The following LRIG1 variants were observed in gnomAD, a reference collection of about 807,000 sequenced individuals.
The protein encoded by LRIG1 is leucine rich repeats and immunoglobulin like domains 1, also known as leucine-rich repeats and immunoglobulin-like domains protein 1.
Under a neutral mutation model 99.2 loss-of-function variants are expected in LRIG1, and 48 were observed. The ratio of observed to expected loss-of-function variants is 0.48; its 90% CI spans 0.38 to 0.62. The LOEUF (loss-of-function observed/expected upper bound fraction) is 0.62, where lower values mean the gene tolerates loss of function less well. LRIG1 is among the 20% of genes least tolerant of loss of function. The pLI is 0.00. For missense variants in LRIG1, 1,646 were observed against 1,434.4 expected (o/e 1.15, Z -2.38); for synonymous variants, 772 against 596.1 (o/e 1.29, Z -4.30).
At chr3:66,397,007 G>A (rs1313104039) in intron 11 of LRIG1, among the ~76,000 whole-genome samples, 1 of 152,212 alleles carries the variant, frequency 6.6e-6, no homozygotes, top group African/African-American at 2.4e-5. Flanking sequence ...AGCTGCTGAG[G>A]CTGGAAGAGG....
intron 11 of LRIG1, 86 bp from the exon 12 acceptor site, chr3:66,394,289 A>C (rs1701755825): frequency 1.1e-5 from 13 of 1,180,972 alleles, no homozygotes; most frequent in Admixed American, 3.0e-5. Context: ...AGTCGCCTCC[A>C]ATCAGCTTCT....
At chr3:66,390,119 G>C (rs193226177) in intron 12 of LRIG1, among the ~76,000 whole-genome samples, 24 of 152,178 alleles carry the variant, frequency 1.6e-4, no homozygotes, top group African/African-American at 5.8e-4. Flanking sequence ...CTTCTAGCCA[G>C]TGCAACAGGC....
At chr3:66,396,830 G>C (rs1360641123) in intron 11 of LRIG1, among the ~76,000 whole-genome samples, 1 of 152,194 alleles carries the variant, frequency 6.6e-6, no homozygotes, top group African/African-American at 2.4e-5. Flanking sequence ...GTGCCCCACC[G>C]CTTGTCTTCT....
intron 1 of LRIG1, among the ~76,000 whole-genome samples, chr3:66,489,755 A>C (rs995066179): frequency 6.6e-6 from 1 of 152,194 alleles, no homozygotes; most frequent in East Asian, 1.9e-4. Flanking sequence ...TTATGCTGCC[A>C]ATCAGTGGCA....
At chr3:66,430,535 G>C (rs1703135865) in intron 3 of LRIG1, among the ~76,000 whole-genome samples, 1 of 152,194 alleles carries the variant, frequency 6.6e-6, no homozygotes, top group South Asian at 2.1e-4. Flanking sequence ...CCTCCCCTGG[G>C]AGTTCCACGT....
At chr3:66,387,728 C>G (rs1339503844) in intron 12 of LRIG1, 1 of 151,984 alleles carries the variant, frequency 6.6e-6, no homozygotes, top group East Asian at 1.9e-4. Context: ...GACTTAGATT[C>G]ACTAAATAAA....
chr3:66,456,826 G>A (rs896922168), intron 2 of LRIG1, among the ~76,000 whole-genome samples: 5 of 152,150 alleles, frequency 3.3e-5, no homozygotes, highest in Non-Finnish European at 5.9e-5. Flanking sequence ...ACCCACAGCA[G>A]GCACTCGCGG....
chr3:66,391,232 C>T (rs1701603922), intron 12 of LRIG1, among the ~76,000 whole-genome samples: 2 of 152,150 alleles, frequency 1.3e-5, no homozygotes, highest in Admixed American at 6.5e-5. Context: ...AATCATGAAG[C>T]CACTCTGGAA....
chr3:66,498,427 C>T (rs770130749), intron 1 of LRIG1, among the ~76,000 whole-genome samples: 13 of 151,982 alleles, frequency 8.6e-5, no homozygotes, highest in South Asian at 4.2e-4. Context: ...AAGAGGACAC[C>T]CTGCCCTCTC....
chr3:66,384,402 G>GGACCACT, intron 13 of LRIG1, 130 bp from the exon 14 acceptor site: 1 of 974,896 alleles, frequency 1.0e-6, no homozygotes, highest in African/African-American at 1.6e-5. Flanking sequence ...TGTCTGCCCA[G>GGACCACT]GACCACTCCT....
intron 8 of LRIG1, among the ~76,000 whole-genome samples, chr3:66,406,626 G>A (rs1450098607): frequency 6.6e-6 from 1 of 152,182 alleles, no homozygotes; most frequent in African/African-American, 2.4e-5. Context: ...AAACCTGCAT[G>A]CCCCTCTCTG....
At chr3:66,426,054 T>C (rs1172529987) in intron 3 of LRIG1, among the ~76,000 whole-genome samples, 4 of 152,220 alleles carry the variant, frequency 2.6e-5, no homozygotes, top group South Asian at 2.1e-4. Flanking sequence ...AAAGATCTCA[T>C]GTCACAGATA....
In LRIG1 at chr3:66,405,208, G is replaced by C; in HGVS notation, c.1150C>G (p.Leu384Val). The C allele has an allele frequency of 6.2e-7, 1 of 1,614,116 alleles. No homozygotes were observed. Among genetic ancestry groups the C allele is most frequent in the Non-Finnish European group, 8.5e-7 (1 of 1,179,964 alleles). Residue 384 changes from leucine (L) to valine (V), a missense_variant, in exon 9 of 19, where the codon CTC (leucine) becomes GTC (valine). By Grantham distance (32) the Leu-to-Val change is conservative. Coordinates refer to ENST00000273261, the MANE Select transcript of LRIG1 (RefSeq NM_015541.3). The stretch of plus-strand genomic sequence containing the variant: ...GCGGCGGATACTCACAGCTTGCTGA[G>C]GCTGTCGAGCCCTGAGAAGGCGCCG... The part of the protein sequence containing the change: ...TSGAFSGLDS[L>V]SKLTLFGNKI...
At chr3:66,465,659 C>T (rs1207117711) in intron 1 of LRIG1, among the ~76,000 whole-genome samples, 1 of 152,050 alleles carries the variant, frequency 6.6e-6, no homozygotes. Flanking sequence ...AGCCACCGTG[C>T]CCGGCCTGAG....
At position 66,451,577 on chromosome 3, in the gene LRIG1, T is replaced by C. The variant is rs1169403221; in HGVS notation, c.347A>G (p.His116Arg). 3 of 1,613,994 alleles carry C rather than the reference T, an allele frequency of 1.9e-6. No homozygotes were observed. Among genetic ancestry groups the C allele is most frequent in the South Asian group, 1.1e-5 (1 of 91,076 alleles). Residue 116 changes from histidine (H) to arginine (R), a missense_variant, in exon 3 of 19, where the codon CAT becomes CGT. Transcript: ENST00000273261. ...CACTTACAGAAAGAGAGAGACGACA[T>C]GTGATGAAGCAGCGCCCAGGGATGG... is the stretch of plus-strand genomic sequence containing the variant. ...AVPSLGAASS[H>R]VVSLFLQHNK...
At chr3:66,480,294 G>A (rs1559820530) in intron 1 of LRIG1, among the ~76,000 whole-genome samples, 3 of 152,162 alleles carry the variant, frequency 2.0e-5, no homozygotes, top group African/African-American at 7.2e-5. Context: ...GTTGCCGGGG[G>A]ATGGGAGGAA....
chr3:66,476,460 T>C (rs1345621546), intron 1 of LRIG1, among the ~76,000 whole-genome samples: 1 of 152,186 alleles, frequency 6.6e-6, no homozygotes, highest in East Asian at 1.9e-4. Context: ...AGTATCAACT[T>C]TAAGAGGTCC....
chr3:66,405,750 T>C, intron 8 of LRIG1: 1 of 1,154,118 alleles, frequency 8.7e-7, no homozygotes, highest in Non-Finnish European at 1.1e-6. Context: ...GGCGCCTCCG[T>C]ACCAGCCAGT....
At chr3:66,386,605 G>C (rs1701387937) in intron 12 of LRIG1, 1 of 327,000 alleles carries the variant, frequency 3.1e-6, no homozygotes, top group Non-Finnish European at 5.7e-6. Context: ...AACTGGCTCT[G>C]CCTGCTGACT....
Sources: gnomAD v4.1 joint callset for allele counts (sites outside exome capture counted in the v4.1 genomes callset) on GRCh38, gnomAD v4.1.1 for gene constraint, MANE v1.5 for transcripts, NCBI Gene and HGNC (gene_info 2026-07-23, HGNC 2026-07-21) for gene names.